The following GRK7 variants were observed in gnomAD, a reference collection of about 807,000 sequenced individuals.
GRK7 encodes G protein-coupled receptor kinase 7, also known as rhodopsin kinase GRK7.
In GRK7, 24 loss-of-function variants were observed where a neutral mutation model predicts 34.1. The ratio of observed to expected loss-of-function variants is 0.70; its 90% CI spans 0.51 to 0.99. GRK7 has a LOEUF of 0.99. GRK7 is among the 50% of genes least tolerant of loss of function. The pLI, the probability that GRK7 is intolerant of heterozygous loss-of-function variation, is 0.00. For missense variants in GRK7, 644 were observed against 707.3 expected, an observed-to-expected ratio of 0.91 and a Z score of 1.02; for synonymous variants, 256 against 279.4, an observed-to-expected ratio of 0.92 and a Z score of 0.84.
chr3:141,817,207 A>G lies in GRK7; in HGVS notation c.*157A>G, dbSNP rs1711164423. Reference sequence around the variant, plus strand: ...ACAGGCAAGCTCACTACTAGAACACATTTTATTTTCTTTTTCTTTCTTCAT... The same window carrying G: ...ACAGGCAAGCTCACTACTAGAACACGTTTTATTTTCTTTTTCTTTCTTCAT... On this transcript the variant is annotated 3_prime_UTR_variant, in exon 6 of 6. Transcript: ENST00000682958. 1 of 530,238 alleles carries G rather than the reference A, an allele frequency of 1.9e-6. No individual in the cohort carries two copies. The highest frequency in any genetic ancestry group is 3.3e-6 in the Non-Finnish European group (1 of 307,270). The allele number at this position is 530,238 out of a possible 1,614,324, so 32.8% of individuals were successfully genotyped here.
At chr3:141,783,146 G>C (rs2084679775) in intron 4 of GRK7, among the ~76,000 whole-genome samples, 1 of 152,216 alleles carries the variant, frequency 6.6e-6, no homozygotes, top group African/African-American at 2.4e-5. Flanking sequence ...TGCAGCAGTT[G>C]AGTGTGGCCC....
chr3:141,775,770 CTATT>C (rs936040587), intron 2 of GRK7, among the ~76,000 whole-genome samples: 1 of 151,222 alleles, frequency 6.6e-6, no homozygotes, highest in Non-Finnish European at 1.5e-5. Context: ...TAAAATATAA[CTATT>C]AAAGTTAATT....
chr3:141,815,352 AT>A (rs1036533226), intron 5 of GRK7, among the ~76,000 whole-genome samples: 4 of 151,916 alleles, frequency 2.6e-5, no homozygotes, highest in African/African-American at 9.7e-5. Context: ...GATAATGAGC[AT>A]TTTTTCATAT....
upstream of GRK7, among the ~76,000 whole-genome samples, chr3:141,760,583 T>TA (rs1166301619): frequency 6.7e-6 from 1 of 149,928 alleles, no homozygotes; most frequent in East Asian, 1.9e-4. Flanking sequence ...GAAAAAAATG[T>TA]ATATTCTGTT....
chr3:141,804,173 C>G (rs567073234), intron 4 of GRK7, among the ~76,000 whole-genome samples: 3 of 152,036 alleles, frequency 2.0e-5, no homozygotes, highest in African/African-American at 7.2e-5. Context: ...TTTTCCAAGC[C>G]CTTGCACCTT....
At chr3:141,800,840 T>C (rs1233692690) in intron 4 of GRK7, among the ~76,000 whole-genome samples, 1 of 151,918 alleles carries the variant, frequency 6.6e-6, no homozygotes, top group African/African-American at 2.4e-5. Context: ...CAGAAATGTT[T>C]TATATCTTGT....
chr3:141,804,531 A>AACAC (rs536597085), intron 4 of GRK7, among the ~76,000 whole-genome samples: 181 of 151,842 alleles, frequency 1.2e-3, no homozygotes, highest in African/African-American at 4.3e-3. Flanking sequence ...AAGTATTCTC[A>AACAC]ACACACACAC....
chr3:141,774,248 C>T lies in GRK7; in HGVS notation c.-214-332C>T, dbSNP rs117627548. On this transcript the variant is annotated intron_variant, in intron 1 of 5. Transcript: ENST00000682958. Reference sequence around the variant, plus strand: ...AGGAGTTCGAGACCAGCCTGGGCAACATGTCTCCACTAAAAATACAAAAAT... The same window carrying T: ...AGGAGTTCGAGACCAGCCTGGGCAATATGTCTCCACTAAAAATACAAAAAT... Among the ~76,000 whole-genome samples, 4 of 152,074 alleles carry T rather than the reference C, an allele frequency of 2.6e-5. No homozygotes were observed. The East Asian group carries it at 7.7e-4, about 29-fold the overall frequency.
At chr3:141,810,621 A>T (rs976007544) in intron 5 of GRK7, among the ~76,000 whole-genome samples, 4 of 152,098 alleles carry the variant, frequency 2.6e-5, no homozygotes, top group African/African-American at 9.7e-5. Flanking sequence ...GGTTCAAGCA[A>T]TTCTTCTGCC....
intron 2 of GRK7, among the ~76,000 whole-genome samples, chr3:141,777,035 C>G (rs1347723190): frequency 6.6e-6 from 1 of 152,218 alleles, no homozygotes; most frequent in African/African-American, 2.4e-5. Context: ...GAAGCTTCCT[C>G]GCTTGGTGGG....
intron 4 of GRK7, among the ~76,000 whole-genome samples, chr3:141,789,798 T>A (rs1311879025): frequency 2.0e-5 from 3 of 152,142 alleles, no homozygotes; most frequent in Non-Finnish European, 4.4e-5. Context: ...CTTTTCTACA[T>A]ATGAGCTGAG....
intron 4 of GRK7, among the ~76,000 whole-genome samples, chr3:141,789,418 G>A (rs993040512): frequency 6.6e-6 from 1 of 152,082 alleles, no homozygotes; most frequent in African/African-American, 2.4e-5. Flanking sequence ...CACTCCCACA[G>A]AGGGAAAACA....
intron 5 of GRK7, among the ~76,000 whole-genome samples, chr3:141,813,619 GGTCTCCATACACA>G (rs1711118806): frequency 6.6e-6 from 1 of 152,112 alleles, no homozygotes. Context: ...TTTTGATCCA[GGTCTCCATACACA>G]GTGGGAAAAG....
chr3:141,812,698 C>T (rs1013699050), intron 5 of GRK7, among the ~76,000 whole-genome samples: 1 of 152,194 alleles, frequency 6.6e-6, no homozygotes, highest in Admixed American at 6.5e-5. Flanking sequence ...CCCTGATGGA[C>T]AAACCAAGGC....
At chr3:141,769,689 T>C (rs928017297) in intron 1 of GRK7, among the ~76,000 whole-genome samples, 41 of 152,302 alleles carry the variant, frequency 2.7e-4, no homozygotes, top group African/African-American at 9.6e-4. Flanking sequence ...GCCCTCTGGC[T>C]TCTGGCCAGG....
At chr3:141,801,204 G>T (rs1024067066) in intron 4 of GRK7, among the ~76,000 whole-genome samples, 1 of 151,750 alleles carries the variant, frequency 6.6e-6, no homozygotes, top group African/African-American at 2.4e-5. Context: ...CCAGCTACTC[G>T]GGAGGCTGAG....
At chr3:141,750,908 A>G in the GRK7 span, among the ~76,000 whole-genome samples, 1 of 152,074 alleles carries the variant, frequency 6.6e-6, no homozygotes, top group African/African-American at 2.4e-5. Context: ...GCAGTGGCAC[A>G]CACCTGCAGT....
intron 5 of GRK7, among the ~76,000 whole-genome samples, chr3:141,808,913 T>G (rs1711063839): frequency 6.6e-6 from 1 of 152,088 alleles, no homozygotes; most frequent in Non-Finnish European, 1.5e-5. Context: ...CTGGGCACAG[T>G]GGCTCACACT....
intron 1 of GRK7, among the ~76,000 whole-genome samples, 122 bp from the exon 2 acceptor site, chr3:141,774,458 A>G (rs1054232061): frequency 1.5e-4 from 23 of 152,014 alleles, no homozygotes; most frequent in Admixed American, 5.2e-4. Context: ...GAAAAAGAAA[A>G]TGTTTCATTT....
Sources: allele counts gnomAD v4.1 joint callset (sites outside exome capture counted in the v4.1 genomes callset), GRCh38; gene constraint gnomAD v4.1.1; transcripts MANE v1.5; gene names NCBI Gene and HGNC (gene_info 2026-07-23, HGNC 2026-07-21).